CCDC85A: variants seen among roughly 807,000 people sequenced by gnomAD.
The protein encoded by CCDC85A is coiled-coil domain-containing protein 85A.
In CCDC85A, 38 loss-of-function variants were observed where a neutral mutation model predicts 50.2. That is an observed-to-expected ratio of 0.76 (90% CI 0.58 to 0.99). The LOEUF (loss-of-function observed/expected upper bound fraction) is 0.99. Among genes scored for constraint, CCDC85A ranks in the 50% least tolerant of loss-of-function variants. CCDC85A has a pLI of 0.00. For missense variants in CCDC85A, 820 were observed against 742.0 expected, an observed-to-expected ratio of 1.11 and a Z score of -1.22; for synonymous variants, 366 against 301.4, an observed-to-expected ratio of 1.21 and a Z score of -2.22.
intron 2 of CCDC85A, among the ~76,000 whole-genome samples, chr2:56,214,460 T>C (rs990998647): frequency 6.6e-6 from 1 of 152,000 alleles, no homozygotes; most frequent in Non-Finnish European, 1.5e-5. Flanking sequence ...TGAAAGACTT[T>C]GCCAGGATGC....
In CCDC85A at chr2:56,192,569, T is replaced by C. The variant is rs377405394; in HGVS notation, c.369T>C (p.Ser123=). The C allele has an allele frequency of 6.2e-7, 1 of 1,613,854 alleles. No individual in the cohort carries two copies. The highest frequency in any genetic ancestry group is 8.5e-7 in the Non-Finnish European group (1 of 1,179,870). The change falls in exon 2 of 6, where the codon TCT becomes TCC. Residue 123 remains serine, a synonymous_variant. Transcript: ENST00000407595. This position sits in a 1 kb window ranked among gnomAD's most constrained non-coding sequence, Gnocchi z 4.7. ...ACCGGCAGAAAGGCAAGAGGGTGTCTCGGGAGTGGCAGAGACTGGGTCGCT... is the reference window on the plus strand; with the variant it reads ...ACCGGCAGAAAGGCAAGAGGGTGTCCCGGGAGTGGCAGAGACTGGGTCGCT... The part of the protein sequence containing the change: ...DDDRQKGKRV[S]REWQRLGRYT...
rs139812164 is a variant in CCDC85A, at chr2:56,252,575, G to C, written c.1240+59135G>C. Reference sequence around the variant, plus strand: ...AGGTTTATTATACTTTAAGTTCTGGGATACGTGTGCAGAATGTGCAGGTTT... The same window carrying C: ...AGGTTTATTATACTTTAAGTTCTGGCATACGTGTGCAGAATGTGCAGGTTT... On this transcript the variant is annotated intron_variant, in intron 2 of 5. Transcript: ENST00000407595. 3.4e-3 allele frequency among the ~76,000 whole-genome samples: 513 copies of C among 152,164 alleles called. 4 individuals carry two copies. Among genetic ancestry groups the C allele is most frequent in the African/African-American group, 0.012 (484 of 41,516 alleles).
At chr2:56,340,876 C>CAAAA (rs61603853) in intron 2 of CCDC85A, among the ~76,000 whole-genome samples, 55 of 58,164 alleles carry the variant, frequency 9.5e-4, no homozygotes, top group East Asian at 4.6e-3. Flanking sequence ...AACTCCATCT[C>CAAAA]AAAAAAAAAA....
At chr2:56,368,013 C>T (rs537700003) in intron 3 of CCDC85A, among the ~76,000 whole-genome samples, 3 of 132,400 alleles carry the variant, frequency 2.3e-5, no homozygotes, top group African/African-American at 5.2e-5. Context: ...ATTTAAACTC[C>T]GGCACTGCGA....
Position 56,342,928 on chromosome 2 carries a change from G to A in CCDC85A, c.1290G>A (p.Leu430=). Residue 430 remains leucine, a synonymous_variant, in exon 3 of 6, where the codon CTG becomes CTA. Coordinates refer to ENST00000407595, the MANE Select transcript of CCDC85A (RefSeq NM_001080433.2). ...AGCTGGAGGCAAGAGTAAGACAGCT[G>A]GAGGAAGAAAATCGCATGCTGCCCC... is the stretch of plus-strand genomic sequence containing the variant. ...VRQLEARVRQ[L]EEENRMLPQA... The A allele has an allele frequency of 1.3e-6, 2 of 1,598,360 alleles. No homozygotes were observed. The highest frequency in any genetic ancestry group is 2.3e-5 in the East Asian group (1 of 44,352).
chr2:56,212,329 C>T (rs1005093317), intron 2 of CCDC85A, among the ~76,000 whole-genome samples: 4 of 151,908 alleles, frequency 2.6e-5, no homozygotes, highest in African/African-American at 9.7e-5. Flanking sequence ...TCTACATATC[C>T]CAATGCTTGG....
intron 2 of CCDC85A, among the ~76,000 whole-genome samples, chr2:56,325,471 T>G (rs1420182780): frequency 6.6e-6 from 1 of 152,176 alleles, no homozygotes; most frequent in Non-Finnish European, 1.5e-5. Context: ...TCTGTTCTAA[T>G]GTCTGTGATG....
chr2:56,334,637 T>C (rs976670958), intron 2 of CCDC85A, among the ~76,000 whole-genome samples: 18 of 152,192 alleles, frequency 1.2e-4, no homozygotes, highest in African/African-American at 4.3e-4. Flanking sequence ...CAATATCTCA[T>C]TGAGCTTTCT....
rs137899117 is a variant in CCDC85A at position 56,322,972 on chromosome 2, G to T, written c.1241-19907G>T. ...TGGAATACTATGCAGCCATAAAAAA[G>T]GATGAGTTCATGTCCTTTATACGGA... On this transcript the variant is annotated intron_variant, in intron 2 of 5. Transcript: ENST00000407595. Among the ~76,000 whole-genome samples, 1,007 of 152,192 alleles carry T rather than the reference G, an allele frequency of 6.6e-3. 7 individuals are homozygous for T. The highest frequency in any genetic ancestry group is 0.023 in the African/African-American group (951 of 41,524).
intron 2 of CCDC85A, among the ~76,000 whole-genome samples, chr2:56,329,441 A>G (rs909828341): frequency 1.3e-5 from 2 of 152,248 alleles, no homozygotes; most frequent in Non-Finnish European, 2.9e-5. Flanking sequence ...TAATAAATAT[A>G]TGTTAACAGA....
intron 2 of CCDC85A, among the ~76,000 whole-genome samples, chr2:56,272,283 A>AT: frequency 6.6e-6 from 1 of 152,254 alleles, no homozygotes; most frequent in East Asian, 1.9e-4. Flanking sequence ...TTAAAAAAAA[A>AT]ACAGCAGAAA....
At chr2:56,375,720 A>T in intron 4 of CCDC85A, 96 bp from the exon 5 acceptor site, 1 of 1,303,406 alleles carries the variant, frequency 7.7e-7, no homozygotes, top group Non-Finnish European at 1.1e-6. Context: ...CAAAATGGCT[A>T]ATTCTCATTT....
At chr2:56,244,188 C>T (rs1176028983) in intron 2 of CCDC85A, among the ~76,000 whole-genome samples, 2 of 152,132 alleles carry the variant, frequency 1.3e-5, no homozygotes, top group Non-Finnish European at 2.9e-5. Flanking sequence ...TAGGCAGGTT[C>T]AGAGATGTCT....
chr2:56,373,154 A>G (rs1676166696), intron 4 of CCDC85A, among the ~76,000 whole-genome samples: 1 of 152,196 alleles, frequency 6.6e-6, no homozygotes, highest in Non-Finnish European at 1.5e-5. Flanking sequence ...ATTATTTAAC[A>G]TCTGTTGGAA....
intron 2 of CCDC85A, among the ~76,000 whole-genome samples, chr2:56,271,000 T>C (rs1057377407): frequency 6.6e-6 from 1 of 152,208 alleles, no homozygotes; most frequent in Non-Finnish European, 1.5e-5. Flanking sequence ...GGATTTATAT[T>C]ATCTCCATTT....
chr2:56,219,786 C>T (rs1318847538), intron 2 of CCDC85A, among the ~76,000 whole-genome samples: 1 of 151,940 alleles, frequency 6.6e-6, no homozygotes, highest in Non-Finnish European at 1.5e-5. Context: ...CTATTTCATC[C>T]ATTTTATAAT....
At chr2:56,261,410 A>G (rs1245676388) in intron 2 of CCDC85A, among the ~76,000 whole-genome samples, 5 of 152,170 alleles carry the variant, frequency 3.3e-5, no homozygotes, top group Non-Finnish European at 7.4e-5. Context: ...TTAAACACTC[A>G]AACGTTTATC....
intron 2 of CCDC85A, among the ~76,000 whole-genome samples, chr2:56,284,707 C>G (rs1000368380): frequency 6.6e-6 from 1 of 152,064 alleles, no homozygotes; most frequent in Non-Finnish European, 1.5e-5. Flanking sequence ...GTTTGGTTTG[C>G]TCTTGTGTGT....
At chr2:56,251,363 G>C (rs966528051) in intron 2 of CCDC85A, among the ~76,000 whole-genome samples, 3 of 152,194 alleles carry the variant, frequency 2.0e-5, no homozygotes, top group African/African-American at 7.2e-5. Context: ...TGGAAAATAA[G>C]GGTTGCTGTT....
Sources: gnomAD v4.1 joint callset for allele counts (sites outside exome capture counted in the v4.1 genomes callset) on GRCh38, gnomAD v4.1.1 for gene constraint, Gnocchi (gnomAD v3.1) non-coding constraint, MANE v1.5 for transcripts, NCBI Gene and HGNC (gene_info 2026-07-23, HGNC 2026-07-21) for gene names.